The following SLIT3 variants were observed in gnomAD, a reference collection of about 807,000 sequenced individuals.
SLIT3 encodes the protein slit guidance ligand 3, also known as slit homolog 3 protein.
SLIT3 carries 68 observed loss-of-function variants against 184.0 expected under a neutral mutation model. The observed-to-expected ratio is 0.37, with a 90% CI of 0.30 to 0.45. SLIT3 has a LOEUF of 0.45. Among genes scored for constraint, SLIT3 ranks in the 20% least tolerant of loss-of-function variants. The pLI, the probability that SLIT3 is intolerant of heterozygous loss-of-function variation, is 1.00. For synonymous variants in SLIT3, 831 were observed against 828.6 expected, an observed-to-expected ratio of 1.00 and a Z score of -0.05; for missense variants, 1,707 against 2,026.0, an observed-to-expected ratio of 0.84 and a Z score of 3.02.
At chr5:169,030,832 T>C (rs888241177) in intron 4 of SLIT3, among the ~76,000 whole-genome samples, 2 of 152,236 alleles carry the variant, frequency 1.3e-5, no homozygotes, top group African/African-American at 4.8e-5. Flanking sequence ...AGCAACTTAT[T>C]GGCTCGGAAG....
chr5:168,973,769 A>C (rs946514154), intron 4 of SLIT3, among the ~76,000 whole-genome samples: 1 of 152,128 alleles, frequency 6.6e-6, no homozygotes, highest in Non-Finnish European at 1.5e-5. Flanking sequence ...AGCAACCACT[A>C]ATCAGGACTC....
intron 3 of SLIT3, among the ~76,000 whole-genome samples, chr5:169,218,339 A>G (rs1406071961): frequency 6.6e-6 from 1 of 152,230 alleles, no homozygotes; most frequent in Non-Finnish European, 1.5e-5. Context: ...AAAACAAACT[A>G]GATAACAAAG....
chr5:168,940,259 A>G (rs935701921), intron 4 of SLIT3, among the ~76,000 whole-genome samples: 1 of 152,200 alleles, frequency 6.6e-6, no homozygotes, highest in African/African-American at 2.4e-5. Flanking sequence ...AGTATACTGA[A>G]ACGATGAATT....
At chr5:169,209,259 CT>C (rs1387564800) in intron 3 of SLIT3, among the ~76,000 whole-genome samples, 1 of 152,202 alleles carries the variant, frequency 6.6e-6, no homozygotes, top group African/African-American at 2.4e-5. Flanking sequence ...GAGATACCAT[CT>C]CACATCACTT....
chr5:169,247,282 G>A (rs535288506), intron 2 of SLIT3, among the ~76,000 whole-genome samples: 2 of 152,148 alleles, frequency 1.3e-5, no homozygotes, highest in East Asian at 3.9e-4. Flanking sequence ...TGCAAGGAGG[G>A]CCTTGGAATG....
At chr5:169,234,108 T>A (rs1260496459) in intron 3 of SLIT3, among the ~76,000 whole-genome samples, 1 of 152,238 alleles carries the variant, frequency 6.6e-6, no homozygotes, top group Non-Finnish European at 1.5e-5. Flanking sequence ...ATTAATTACA[T>A]CTTTATTTTT....
chr5:168,853,389 AGTAAT>A (rs1758742921), intron 5 of SLIT3, among the ~76,000 whole-genome samples: 1 of 152,226 alleles, frequency 6.6e-6, no homozygotes, highest in East Asian at 1.9e-4. Context: ...TAACCAATCA[AGTAAT>A]GTACCACCTA....
rs1762537151 is a variant in SLIT3 at position 168,710,944 on chromosome 5, C to T, written c.2670G>A (p.Met890Ile). 1.3e-6 allele frequency: 2 copies of T among 1,565,262 alleles called. No homozygotes were observed. Among genetic ancestry groups the T allele is most frequent in the Admixed American group, 1.9e-5 (1 of 51,854 alleles). ...GIARCSSPEP[M>I]ADRLLLTTPT... is the part of the protein sequence containing the mutation. ...GGGTGGTGAGCAGGAGCCTGTCAGCCATGGGCTCAGGGCTACTGCAGCGGG... is the reference window on the plus strand; with the variant it reads ...GGGTGGTGAGCAGGAGCCTGTCAGCTATGGGCTCAGGGCTACTGCAGCGGG... Residue 890 changes from methionine (M) to isoleucine (I), a missense_variant, in exon 25 of 36, where the codon ATG (methionine) becomes ATA (isoleucine). By Grantham distance (10) the Met-to-Ile change is conservative. Transcript: ENST00000519560.
chr5:168,731,788 A>G (rs914941608), intron 20 of SLIT3, among the ~76,000 whole-genome samples: 6 of 152,078 alleles, frequency 3.9e-5, no homozygotes, highest in Non-Finnish European at 8.8e-5. Flanking sequence ...CTAGGCATAC[A>G]AGGAACATAC....
chr5:169,251,512 T>G, intron 1 of SLIT3, 53 bp from the exon 2 acceptor site: 4 of 1,218,276 alleles, frequency 3.3e-6, no homozygotes, highest in Non-Finnish European at 4.9e-6. Flanking sequence ...AATTACGGTC[T>G]ATTTAATCCA....
At chr5:169,023,248 AG>A (rs1371426565) in intron 4 of SLIT3, among the ~76,000 whole-genome samples, 1 of 152,170 alleles carries the variant, frequency 6.6e-6, no homozygotes, top group Admixed American at 6.5e-5. Flanking sequence ...CTCCTCTGTG[AG>A]GACCTAGTGC....
In SLIT3 at chr5:168,976,300, A is replaced by G. The variant is rs1044342301; in HGVS notation, c.414-92964T>C. On this transcript the variant is annotated intron_variant, in intron 4 of 35. Coordinates refer to ENST00000519560, the MANE Select transcript of SLIT3 (RefSeq NM_003062.4). ...TTGCAAACTACAGGTCACTGATTCAATCGTTCTCAATGTGGCTGCAGAGCC... is the reference window on the plus strand; with the variant it reads ...TTGCAAACTACAGGTCACTGATTCAGTCGTTCTCAATGTGGCTGCAGAGCC... Among the ~76,000 whole-genome samples the G allele has an allele frequency of 4.6e-5, 7 of 152,100 alleles. 1 individual carries two copies.
At chr5:169,276,355 G>A (rs377476928) in intron 1 of SLIT3, among the ~76,000 whole-genome samples, 8 of 152,264 alleles carry the variant, frequency 5.3e-5, no homozygotes, top group South Asian at 2.1e-4. Context: ...GTCAATAAGC[G>A]GAGAAAAGTG....
intron 4 of SLIT3, among the ~76,000 whole-genome samples, chr5:168,986,291 A>C (rs1448144083): frequency 2.6e-5 from 4 of 152,158 alleles, no homozygotes; most frequent in African/African-American, 7.2e-5. Flanking sequence ...AAAGGGGAGA[A>C]TTAACCCACT....
chr5:169,232,424 C>T (rs13174469), intron 3 of SLIT3, among the ~76,000 whole-genome samples: 89,812 of 151,846 alleles, frequency 0.59, 26,904 homozygotes, highest in Non-Finnish European at 0.62. Flanking sequence ...GGGGTTTCGC[C>T]ATGTTGGTCA....
chr5:169,119,178 CAA>C (rs1760794599), intron 4 of SLIT3, among the ~76,000 whole-genome samples: 1 of 152,188 alleles, frequency 6.6e-6, no homozygotes, highest in Non-Finnish European at 1.5e-5. Context: ...TGACCCAGAG[CAA>C]AAGTCTTGGA....
Position 168,748,196 on chromosome 5 carries a change from C to G in SLIT3, c.2270+106G>C, listed in dbSNP as rs956034595. The G allele has an allele frequency of 6.2e-6, 8 of 1,297,820 alleles. No homozygotes were observed. In the South Asian group the frequency reaches 1.5e-4, roughly 25 times the overall value. The allele number at this position is 1,297,820 out of a possible 1,614,324, so 80.4% of individuals were successfully genotyped here. On this transcript the variant is annotated intron_variant, in intron 20 of 35. Transcript: ENST00000519560. ...GGATCCATTCAAGTAGGGTCTCCCC[C>G]CGGCAGTTTCGCCATGTTGCCTTGC...
At chr5:169,134,999 A>G (rs1761450839) in intron 4 of SLIT3, among the ~76,000 whole-genome samples, 1 of 152,250 alleles carries the variant, frequency 6.6e-6, no homozygotes, top group African/African-American at 2.4e-5. Context: ...TAGCTGCTCT[A>G]TAAATATACA....
At chr5:168,934,977 A>C (rs945789774) in intron 4 of SLIT3, among the ~76,000 whole-genome samples, 32 of 149,962 alleles carry the variant, frequency 2.1e-4, no homozygotes, top group Middle Eastern at 3.5e-3. Flanking sequence ...AAAAAAAAAA[A>C]AAAAACAAAA....
Sources: gnomAD v4.1 joint callset for allele counts (sites outside exome capture counted in the v4.1 genomes callset) on GRCh38, gnomAD v4.1.1 for gene constraint, MANE v1.5 for transcripts, NCBI Gene and HGNC (gene_info 2026-07-23, HGNC 2026-07-21) for gene names.